Variants in ADGRL3 observed in about 807,000 individuals in gnomAD.
ADGRL3 encodes adhesion G protein-coupled receptor L3.
A neutral mutation model predicts 153.5 loss-of-function variants in ADGRL3; 62 were observed. The observed-to-expected ratio is 0.40, with a 90% CI of 0.33 to 0.50. The LOEUF (loss-of-function observed/expected upper bound fraction) is 0.50. Among genes scored for constraint, ADGRL3 ranks in the 20% least tolerant of loss-of-function variants. ADGRL3 has a pLI of 0.47. For missense variants in ADGRL3, 1,641 were observed against 1,859.4 expected, an observed-to-expected ratio of 0.88 and a Z score of 2.16; for synonymous variants, 710 against 672.5, an observed-to-expected ratio of 1.06 and a Z score of -0.86.
At chr4:61,307,828 T>C (rs2094849010) in intron 1 of ADGRL3, among the ~76,000 whole-genome samples, 1 of 152,224 alleles carries the variant, frequency 6.6e-6, no homozygotes, top group Non-Finnish European at 1.5e-5. Flanking sequence ...TTTGAGTTTT[T>C]GTCCTGTTGG....
intron 9 of ADGRL3, among the ~76,000 whole-genome samples, chr4:61,849,037 A>G (rs2098170009): frequency 6.6e-6 from 1 of 152,182 alleles, no homozygotes; most frequent in Non-Finnish European, 1.5e-5. Flanking sequence ...TATACATTTT[A>G]GCAAGTTATA....
At chr4:61,207,268 A>T (rs1260375555) in intron 1 of ADGRL3, among the ~76,000 whole-genome samples, 1 of 152,016 alleles carries the variant, frequency 6.6e-6, no homozygotes, top group African/African-American at 2.4e-5. Flanking sequence ...CTCATTGTTC[A>T]ACTCCAACTT....
chr4:61,622,241 C>A (rs551279020), intron 5 of ADGRL3, among the ~76,000 whole-genome samples: 1 of 152,086 alleles, frequency 6.6e-6, no homozygotes, highest in African/African-American at 2.4e-5. Context: ...CTTCTATATT[C>A]AAAGTAAAAT....
intron 4 of ADGRL3, among the ~76,000 whole-genome samples, chr4:61,524,129 T>C (rs1173558532): frequency 1.3e-5 from 2 of 152,092 alleles, no homozygotes; most frequent in Non-Finnish European, 1.5e-5. Flanking sequence ...CTTTTTCTTC[T>C]CTATCCCCTT....
At chr4:61,769,574 C>G (rs980793696) in intron 8 of ADGRL3, among the ~76,000 whole-genome samples, 2 of 152,138 alleles carry the variant, frequency 1.3e-5, no homozygotes, top group Admixed American at 6.5e-5. Context: ...GACCACCAAA[C>G]AGGCTTTGTG....
intron 9 of ADGRL3, among the ~76,000 whole-genome samples, chr4:61,833,958 C>CT (rs113049750): frequency 0.16 from 20,273 of 123,394 alleles, 1,916 homozygotes; most frequent in African/African-American, 0.28. Context: ...AAGGCAGCTT[C>CT]TTTTTTTTTT....
At chr4:61,513,146 G>A (rs2098472534) in intron 3 of ADGRL3, among the ~76,000 whole-genome samples, 1 of 152,072 alleles carries the variant, frequency 6.6e-6, no homozygotes, top group Non-Finnish European at 1.5e-5. Context: ...TCACTGTTAT[G>A]ATTAATAGCT....
rs1560582720 is a variant in ADGRL3 at position 62,070,876 on chromosome 4, A to T, written c.4600A>T (p.Lys1534Ter). ...TGGGACCCCTCCCGAGGGAAGTTCA[A>T]AAGGACCGGCTCATTTGGTCACTAG... Reference protein sequence around the residue: ...KDGTPPEGSSKGPAHLVTSL With the variant: ...KDGTPPEGSS Residue 1534 changes from lysine (K) to a stop codon, truncating the protein, a stop_gained, in exon 27 of 27, where the codon AAA becomes TAA. Coordinates refer to ENST00000683033, the MANE Select transcript of ADGRL3 (RefSeq NM_001387552.1). LOFTEE classifies it high-confidence loss of function. The T allele has an allele frequency of 3.2e-6, 5 of 1,551,104 alleles. No individual in the cohort carries two copies. Among genetic ancestry groups the T allele is most frequent in the Non-Finnish European group, 4.4e-6 (5 of 1,146,634 alleles).
At chr4:61,994,916 CTTTT>C (rs769150522) in intron 19 of ADGRL3, among the ~76,000 whole-genome samples, 1 of 140,364 alleles carries the variant, frequency 7.1e-6, no homozygotes. Flanking sequence ...CTTTGGTTTT[CTTTT>C]TTTTTTTTTT....
At chr4:62,009,367 T>C (rs2099173562) in intron 21 of ADGRL3, among the ~76,000 whole-genome samples, 1 of 152,106 alleles carries the variant, frequency 6.6e-6, no homozygotes. Flanking sequence ...TGATACCTTA[T>C]AATTTTTTAT....
rs59504485 is a variant in ADGRL3 at position 61,629,721 on chromosome 4, CAAAAAAAAAAAAAAAAAAAAAAAAAAA to C, written c.473+42300_473+42326del. ...GACAATGCAAGACTCCGTCTCGGGG[CAAAAAAAAAAAAAAAAAAAAAAAAAAA>C]AAAAAAAAAAAAAAAAAATTCCAAG... On this transcript the variant is annotated intron_variant, in intron 5 of 26. Coordinates refer to ENST00000683033, the MANE Select transcript of ADGRL3 (RefSeq NM_001387552.1). Among the ~76,000 whole-genome samples, 51 of 33,446 alleles carry C rather than the reference CAAAAAAAAAAAAAAAAAAAAAAAAAAA, an allele frequency of 1.5e-3. 1 individual carries two copies. The highest frequency in any genetic ancestry group is 4.7e-3 in the African/African-American group (36 of 7,648). The allele number at this position is 33,446 out of a possible 152,430, so 21.9% of individuals were successfully genotyped here.
intron 2 of ADGRL3, among the ~76,000 whole-genome samples, chr4:61,480,990 T>C (rs2098126368): frequency 6.6e-6 from 1 of 152,070 alleles, no homozygotes; most frequent in South Asian, 2.1e-4. Flanking sequence ...CTGAACAGTT[T>C]TCAATAATCA....
At chr4:61,424,371 T>TA (rs1295103941) in intron 2 of ADGRL3, among the ~76,000 whole-genome samples, 2 of 152,088 alleles carry the variant, frequency 1.3e-5, no homozygotes, top group African/African-American at 4.8e-5. Flanking sequence ...GGGGTCCTCT[T>TA]AGTGGGGAAA....
intron 5 of ADGRL3, among the ~76,000 whole-genome samples, chr4:61,674,722 A>G (rs887969077): frequency 2.0e-5 from 3 of 151,908 alleles, no homozygotes; most frequent in Non-Finnish European, 2.9e-5. Flanking sequence ...AAAACTTGAC[A>G]TGGATTTATG....
At chr4:61,520,150 A>T (rs1407569075) in intron 4 of ADGRL3, among the ~76,000 whole-genome samples, 1 of 152,220 alleles carries the variant, frequency 6.6e-6, no homozygotes, top group East Asian at 1.9e-4. Context: ...GCAAAGCATG[A>T]AGAATTTTTA....
At chr4:62,030,239 T>G (rs1721236332) in intron 22 of ADGRL3, among the ~76,000 whole-genome samples, 1 of 151,732 alleles carries the variant, frequency 6.6e-6, no homozygotes, top group Admixed American at 6.6e-5. Context: ...AGCTTCAGAT[T>G]ATGATAAACA....
intron 9 of ADGRL3, among the ~76,000 whole-genome samples, chr4:61,830,687 G>A (rs1488930064): frequency 6.6e-6 from 1 of 152,002 alleles, no homozygotes; most frequent in Non-Finnish European, 1.5e-5. Context: ...CAGATTAGTA[G>A]GAAACCGAAT....
chr4:61,249,073 T>C (rs1464841765), intron 1 of ADGRL3, among the ~76,000 whole-genome samples: 1 of 152,216 alleles, frequency 6.6e-6, no homozygotes, highest in African/African-American at 2.4e-5. Context: ...TTATGAAGTT[T>C]AGACAATTAG....
At chr4:61,893,366 T>G (rs1257102683) in intron 10 of ADGRL3, among the ~76,000 whole-genome samples, 6 of 152,272 alleles carry the variant, frequency 3.9e-5, no homozygotes, top group Non-Finnish European at 7.3e-5. Flanking sequence ...TACTGGCTAC[T>G]CTAGAGGCTC....
Sources: allele counts gnomAD v4.1 joint callset (sites outside exome capture counted in the v4.1 genomes callset), GRCh38; gene constraint gnomAD v4.1.1; transcripts MANE v1.5; gene names NCBI Gene and HGNC (gene_info 2026-07-23, HGNC 2026-07-21).